The following SLC6A5 variants were observed in gnomAD, a reference collection of about 807,000 sequenced individuals.
SLC6A5 encodes solute carrier family 6 member 5, also known as sodium- and chloride-dependent glycine transporter 2.
A neutral mutation model predicts 90.5 loss-of-function variants in SLC6A5; 58 were observed. The ratio of observed to expected loss-of-function variants is 0.64; its 90% CI spans 0.52 to 0.80. The LOEUF (loss-of-function observed/expected upper bound fraction) is 0.80, where lower values mean the gene tolerates loss of function less well. Among genes scored for constraint, SLC6A5 ranks in the 30% least tolerant of loss-of-function variants. SLC6A5 has a pLI of 0.00. For synonymous variants in SLC6A5, 427 were observed against 401.4 expected, an observed-to-expected ratio of 1.06 and a Z score of -0.76; for missense variants, 1,015 against 1,017.6, an observed-to-expected ratio of 1.00 and a Z score of 0.03.
At chr11:20,609,223 C>A (rs969141422) in intron 5 of SLC6A5, among the ~76,000 whole-genome samples, 1 of 151,948 alleles carries the variant, frequency 6.6e-6, no homozygotes, top group Non-Finnish European at 1.5e-5. Context: ...TTGTTTCCTG[C>A]GAGTATATGA....
rs1475566932 is a variant in SLC6A5, at chr11:20,651,613, T to C, written c.2071-676T>C. On this transcript the variant is annotated intron_variant, in intron 14 of 15. Transcript: ENST00000525748. ...TAGCAAAAGCTTGATTATTACCCCT[T>C]ACAGAAAATACGGGCTGGGCACAGT... is the stretch of plus-strand genomic sequence containing the variant. 3.3e-5 allele frequency among the ~76,000 whole-genome samples: 5 copies of C among 150,726 alleles called. No individual in the cohort carries two copies. In the East Asian group the frequency reaches 1.0e-3, roughly 31 times the overall value.
At chr11:20,647,460 T>C (rs902382167) in intron 14 of SLC6A5, among the ~76,000 whole-genome samples, 1 of 146,904 alleles carries the variant, frequency 6.8e-6, no homozygotes, top group Non-Finnish European at 1.5e-5. Context: ...TTCCTATATA[T>C]ATTTATATAT....
chr11:20,608,513 C>A (rs903137508), intron 5 of SLC6A5, among the ~76,000 whole-genome samples: 4 of 152,174 alleles, frequency 2.6e-5, no homozygotes, highest in African/African-American at 9.7e-5. Flanking sequence ...CTCTACCTAC[C>A]TTGTGGGGAT....
At chr11:20,611,815 G>A (rs1456373678) in intron 5 of SLC6A5, among the ~76,000 whole-genome samples, 1 of 151,258 alleles carries the variant, frequency 6.6e-6, no homozygotes, top group African/African-American at 2.4e-5. Flanking sequence ...TCTTTGTGCA[G>A]CCCCTCCATC....
At chr11:20,613,652 C>CTTTTTTT (rs3045403) in intron 5 of SLC6A5, among the ~76,000 whole-genome samples, 1 of 126,414 alleles carries the variant, frequency 7.9e-6, no homozygotes, top group Non-Finnish European at 1.6e-5. Flanking sequence ...CTAAATAATT[C>CTTTTTTT]TTTTTTTTTT....
In SLC6A5 at chr11:20,618,132, G is replaced by A. The variant is rs376007744; in HGVS notation, c.1260+248G>A. Among the ~76,000 whole-genome samples, 4 of 147,888 alleles carry A rather than the reference G, an allele frequency of 2.7e-5. No homozygotes were observed. In the East Asian group the frequency reaches 6.0e-4, roughly 22 times the overall value. On this transcript the variant is annotated intron_variant, in intron 7 of 15. Transcript: ENST00000525748. ...CAGAGCTCTCAAGGGATGGTGGGGG[G>A]TACTCTGATTAGGATTTCCTTCCTT...
intron 5 of SLC6A5, among the ~76,000 whole-genome samples, chr11:20,607,979 A>G (rs1219649788): frequency 6.6e-6 from 1 of 152,156 alleles, no homozygotes; most frequent in Non-Finnish European, 1.5e-5. Flanking sequence ...GTAGAATTTT[A>G]TTTTGTTTTA....
chr11:20,599,641 T>C lies in SLC6A5; in HGVS notation c.-32T>C, dbSNP rs1852419924. On this transcript the variant is annotated 5_prime_UTR_variant, in exon 1 of 16. Transcript: ENST00000525748. ...GTCTTGTCAATAGCGGGTTTCACCC[T>C]CCACCAGTTCAGTCTGTTGCCTGTG... is the stretch of plus-strand genomic sequence containing the variant. 6.2e-7 allele frequency: 1 copy of C among 1,614,086 alleles called. No individual in the cohort carries two copies. Among genetic ancestry groups the C allele is most frequent in the African/African-American group, 1.3e-5 (1 of 75,036 alleles).
At chr11:20,617,664 G>GCT (rs1301095888) in intron 6 of SLC6A5, 88 bp from the exon 7 acceptor site, 1 of 1,161,756 alleles carries the variant, frequency 8.6e-7, no homozygotes. Context: ...AAGCCTCCTG[G>GCT]CTCTACTGGA....
chr11:20,615,557 C>T lies in SLC6A5; in HGVS notation c.1127+737C>T, dbSNP rs1435320796. On this transcript the variant is annotated intron_variant, in intron 6 of 15. Coordinates refer to ENST00000525748, the MANE Select transcript of SLC6A5 (RefSeq NM_004211.5). Reference sequence around the variant, plus strand: ...TAATTTTTTGTACTTTTAGTAGAGACGGGGTTTCACCGTGTTAGCCAGGAT... The same window carrying T: ...TAATTTTTTGTACTTTTAGTAGAGATGGGGTTTCACCGTGTTAGCCAGGAT... Among the ~76,000 whole-genome samples the T allele has an allele frequency of 3.3e-5, 5 of 152,026 alleles. No homozygotes were observed. In the East Asian group the frequency reaches 5.8e-4, roughly 18 times the overall value.
chr11:20,605,246 G>A (rs1852556523), intron 3 of SLC6A5, among the ~76,000 whole-genome samples: 1 of 152,182 alleles, frequency 6.6e-6, no homozygotes, highest in Non-Finnish European at 1.5e-5. Flanking sequence ...CAACCGGACC[G>A]AAGGGACAAG....
chr11:20,606,642 C>T (rs1056992151), intron 3 of SLC6A5, among the ~76,000 whole-genome samples: 1 of 151,974 alleles, frequency 6.6e-6, no homozygotes, highest in African/African-American at 2.4e-5. Flanking sequence ...CAACCTGAAT[C>T]CAGTAGTGAG....
At chr11:20,605,038 T>C (rs562993736) in intron 3 of SLC6A5, among the ~76,000 whole-genome samples, 18 of 152,278 alleles carry the variant, frequency 1.2e-4, no homozygotes, top group Admixed American at 9.8e-4. Flanking sequence ...ATGAAAGCCG[T>C]TTCAGAGGTG....
chr11:20,625,692 C>T (rs1852980831), intron 7 of SLC6A5, among the ~76,000 whole-genome samples: 1 of 152,136 alleles, frequency 6.6e-6, no homozygotes, highest in African/African-American at 2.4e-5. Flanking sequence ...TACTCTTAGC[C>T]TCAACTTTAT....
chr11:20,631,042 C>T (rs1253793172), intron 10 of SLC6A5, among the ~76,000 whole-genome samples: 1 of 152,206 alleles, frequency 6.6e-6, no homozygotes, highest in Non-Finnish European at 1.5e-5. Context: ...AGCCCTCTTT[C>T]CTTCTCCTTG....
chr11:20,629,565 C>T (rs937886905), intron 9 of SLC6A5, among the ~76,000 whole-genome samples: 2 of 152,090 alleles, frequency 1.3e-5, no homozygotes, highest in Non-Finnish European at 2.9e-5. Flanking sequence ...TATTTCGGTA[C>T]ATGTATACAA....
chr11:20,654,945 TC>T lies in SLC6A5; in HGVS notation c.*80del. ...CTCCTAATGTTTTCCATAGCTCTCC[TC>T]CCATTTTTCTTCATCTTTCTTCCTA... On this transcript the variant is annotated 3_prime_UTR_variant, in exon 16 of 16. Transcript: ENST00000525748. 7.1e-7 allele frequency: 1 copy of T among 1,417,028 alleles called. No individual in the cohort carries two copies. The highest frequency in any genetic ancestry group is 1.0e-6 in the Non-Finnish European group (1 of 1,000,348). The allele number at this position is 1,417,028 out of a possible 1,614,324, so 87.8% of individuals were successfully genotyped here.
intron 2 of SLC6A5, among the ~76,000 whole-genome samples, chr11:20,603,738 G>T (rs1852521750): frequency 6.6e-6 from 1 of 152,192 alleles, no homozygotes; most frequent in African/African-American, 2.4e-5. Flanking sequence ...CAGGGGCTCT[G>T]GCTGGCTTCG....
rs1469024763 is a variant in SLC6A5 at position 20,652,328 on chromosome 11, A to G, written c.2110A>G (p.Thr704Ala). The G allele has an allele frequency of 3.1e-6, 5 of 1,614,026 alleles. No individual in the cohort carries two copies. Among genetic ancestry groups the G allele is most frequent in the African/African-American group, 1.3e-5 (1 of 74,920 alleles). ...CFSFYQWEPM[T>A]YGSYRYPNWS... ...CAGCTTTTACCAGTGGGAGCCCATG[A>G]CCTATGGCTCTTACCGCTATCCTAA... Residue 704 changes from threonine to alanine, a missense_variant, in exon 15 of 16, where the codon ACC becomes GCC. By Grantham distance (58) the Thr-to-Ala change is moderately conservative (BLOSUM62 0). This residue lies in a region of SLC6A5 where 442 missense variants were observed against 494.3 expected (regional missense o/e 0.89). Coordinates refer to ENST00000525748, the MANE Select transcript of SLC6A5 (RefSeq NM_004211.5).
Sources: allele counts gnomAD v4.1 joint callset (sites outside exome capture counted in the v4.1 genomes callset), GRCh38; gene constraint gnomAD v4.1.1; regional missense constraint gnomAD v4.1.1; transcripts MANE v1.5; gene names NCBI Gene and HGNC (gene_info 2026-07-23, HGNC 2026-07-21).